GLIS3: variants seen among roughly 807,000 people sequenced by gnomAD.
GLIS3 encodes zinc finger protein GLIS3.
GLIS3 carries 53 observed loss-of-function variants against 78.6 expected under a neutral mutation model. That is an observed-to-expected ratio of 0.67 (90% CI 0.54 to 0.85). GLIS3 has a LOEUF of 0.85. GLIS3 is among the 40% of genes least tolerant of loss of function. The probability of loss-of-function intolerance (pLI) is 0.00; values close to 1 mark genes in which losing one functional copy is unlikely to be tolerated. For missense variants in GLIS3, 1,703 were observed against 1,231.1 expected, an observed-to-expected ratio of 1.38 and a Z score of -5.74; for synonymous variants, 684 against 509.9, an observed-to-expected ratio of 1.34 and a Z score of -4.60.
chr9:4,044,843 T>C (rs1279265214), intron 4 of GLIS3, among the ~76,000 whole-genome samples: 1 of 152,032 alleles, frequency 6.6e-6, no homozygotes, highest in African/African-American at 2.4e-5. Flanking sequence ...CCTAAATTTT[T>C]CCAGACACCA....
At chr9:3,959,344 T>A (rs568929903) in intron 4 of GLIS3, among the ~76,000 whole-genome samples, 2 of 152,278 alleles carry the variant, frequency 1.3e-5, no homozygotes, top group South Asian at 4.1e-4. Flanking sequence ...TTTCCCAGCC[T>A]CCAAAACTGT....
chr9:4,241,260 C>G (rs1823281403), intron 2 of GLIS3, among the ~76,000 whole-genome samples: 1 of 152,044 alleles, frequency 6.6e-6, no homozygotes, highest in African/African-American at 2.4e-5. Flanking sequence ...TGGTGTCTCC[C>G]AAAGCAATTC....
chr9:4,119,905 T>A (rs2130888201), intron 3 of GLIS3, among the ~76,000 whole-genome samples: 1 of 152,272 alleles, frequency 6.6e-6, no homozygotes, highest in East Asian at 1.9e-4. Flanking sequence ...AGTGTGAAAA[T>A]AATTGAGAAG....
At chr9:4,086,536 T>A (rs190508053) in intron 4 of GLIS3, among the ~76,000 whole-genome samples, 1 of 152,206 alleles carries the variant, frequency 6.6e-6, no homozygotes. Flanking sequence ...TGAAAAAGGA[T>A]CTTCCAGAAA....
intron 4 of GLIS3, among the ~76,000 whole-genome samples, chr9:4,077,029 A>G (rs1828128552): frequency 6.6e-6 from 1 of 152,214 alleles, no homozygotes; most frequent in African/African-American, 2.4e-5. Flanking sequence ...TCTGCACTCC[A>G]GCCTGGGTGA....
intron 8 of GLIS3, among the ~76,000 whole-genome samples, chr9:3,859,439 G>C (rs945473973): frequency 7.9e-5 from 12 of 151,318 alleles, no homozygotes; most frequent in Non-Finnish European, 1.6e-4. Context: ...GTCCCCAAAA[G>C]TTAACTGAGA....
chr9:4,156,061 G>C (rs1472574616), intron 2 of GLIS3, among the ~76,000 whole-genome samples: 1 of 151,976 alleles, frequency 6.6e-6, no homozygotes, highest in Non-Finnish European at 1.5e-5. Flanking sequence ...TTCAGGTGGA[G>C]AAGTACATTC....
At chr9:4,366,123 T>G in the GLIS3 span, among the ~76,000 whole-genome samples, 1 of 152,182 alleles carries the variant, frequency 6.6e-6, no homozygotes, top group East Asian at 1.9e-4. Flanking sequence ...CCCAGTGAGA[T>G]AGGACAGAGG....
intron 2 of GLIS3, among the ~76,000 whole-genome samples, chr9:4,274,453 AATTGGGCAT>A (rs1002708096): frequency 2.0e-5 from 3 of 152,052 alleles, no homozygotes; most frequent in African/African-American, 7.2e-5. Flanking sequence ...CCTCACTGGC[AATTGGGCAT>A]ATGGGGCACA....
chr9:4,277,876 T>C (rs1212686252), intron 2 of GLIS3, among the ~76,000 whole-genome samples: 1 of 152,096 alleles, frequency 6.6e-6, no homozygotes, highest in Non-Finnish European at 1.5e-5. Context: ...GAGCAGGAAG[T>C]AGGGGAAATA....
the GLIS3 span, among the ~76,000 whole-genome samples, chr9:4,406,378 T>C: frequency 2.6e-5 from 4 of 152,316 alleles, no homozygotes; most frequent in East Asian, 1.9e-4. Context: ...TGGAGTGCAA[T>C]TGTGCGATCT....
At chr9:4,193,366 C>G (rs957991668) in intron 2 of GLIS3, among the ~76,000 whole-genome samples, 2 of 152,194 alleles carry the variant, frequency 1.3e-5, no homozygotes, top group Non-Finnish European at 2.9e-5. Context: ...TGGCTGCTAT[C>G]AGAAAGGCAG....
At chr9:3,859,939 A>T (rs1820071956) in intron 8 of GLIS3, among the ~76,000 whole-genome samples, 1 of 152,170 alleles carries the variant, frequency 6.6e-6, no homozygotes, top group South Asian at 2.1e-4. Flanking sequence ...ATGCAAAAGA[A>T]AAAAAGAAAG....
At chr9:4,139,088 T>C (rs1213124164) in intron 2 of GLIS3, among the ~76,000 whole-genome samples, 1 of 152,176 alleles carries the variant, frequency 6.6e-6, no homozygotes, top group Non-Finnish European at 1.5e-5. Flanking sequence ...AAGCCCAACT[T>C]ATCTTATTAA....
chr9:4,022,118 C>T (rs1342705597), intron 4 of GLIS3, among the ~76,000 whole-genome samples: 1 of 151,994 alleles, frequency 6.6e-6, no homozygotes, highest in Non-Finnish European at 1.5e-5. Context: ...TGTGTTAGGA[C>T]CATTAGATAG....
intron 4 of GLIS3, among the ~76,000 whole-genome samples, chr9:3,987,693 G>A (rs1167927825): frequency 1.6e-4 from 18 of 114,832 alleles, no homozygotes; most frequent in Admixed American, 6.1e-4. Flanking sequence ...GTGAAACAAC[G>A]TTTAAAAAAA....
intron 4 of GLIS3, among the ~76,000 whole-genome samples, chr9:4,093,162 C>T (rs955713304): frequency 6.6e-6 from 1 of 151,934 alleles, no homozygotes; most frequent in Non-Finnish European, 1.5e-5. Flanking sequence ...GGAAAAGTAA[C>T]ATGCTGGCCT....
At chr9:3,880,844 G>A (rs891253950) in intron 7 of GLIS3, among the ~76,000 whole-genome samples, 6 of 152,200 alleles carry the variant, frequency 3.9e-5, no homozygotes, top group African/African-American at 9.6e-5. Flanking sequence ...CTACTGACAA[G>A]GGTGTGATCT....
chr9:4,249,472 T>C (rs945070670), intron 2 of GLIS3, among the ~76,000 whole-genome samples: 1 of 152,220 alleles, frequency 6.6e-6, no homozygotes, highest in Non-Finnish European at 1.5e-5. Flanking sequence ...TGATTTTGTA[T>C]CCCTAGACTT....
Sources: gnomAD v4.1 joint callset for allele counts (sites outside exome capture counted in the v4.1 genomes callset) on GRCh38, gnomAD v4.1.1 for gene constraint, MANE v1.5 for transcripts, NCBI Gene and HGNC (gene_info 2026-07-23, HGNC 2026-07-21) for gene names.